GALNT13: variants seen among roughly 807,000 people sequenced by gnomAD.
GALNT13 encodes polypeptide N-acetylgalactosaminyltransferase 13, also known as UDP-GalNAc:polypeptide N-acetylgalactosaminyltransferase 13.
A neutral mutation model predicts 64.2 loss-of-function variants in GALNT13; 28 were observed. That is an observed-to-expected ratio of 0.44 (90% CI 0.32 to 0.60). The LOEUF (loss-of-function observed/expected upper bound fraction) is 0.60. GALNT13 is among the 20% of genes least tolerant of loss of function. The pLI is 0.05. For synonymous variants in GALNT13, 214 were observed against 224.6 expected, an observed-to-expected ratio of 0.95 and a Z score of 0.42; for missense variants, 577 against 669.8, an observed-to-expected ratio of 0.86 and a Z score of 1.53.
the GALNT13 span, among the ~76,000 whole-genome samples, chr2:153,634,542 C>CTTTT: frequency 9.2e-4 from 84 of 91,248 alleles, no homozygotes; most frequent in African/African-American, 1.2e-3. Flanking sequence ...AGATGGAAAT[C>CTTTT]TTTTTTTTTT....
chr2:153,784,561 CT>C, the GALNT13 span, among the ~76,000 whole-genome samples: 1 of 152,178 alleles, frequency 6.6e-6, no homozygotes, highest in Non-Finnish European at 1.5e-5. Context: ...CTTAATTTTC[CT>C]AAGTCTTATG....
intron 3 of GALNT13, among the ~76,000 whole-genome samples, chr2:154,024,383 CT>C (rs1697776670): frequency 6.6e-6 from 1 of 152,124 alleles, no homozygotes; most frequent in Admixed American, 6.5e-5. Flanking sequence ...TTCTTGGAGG[CT>C]TTGTTCATTT....
At chr2:153,753,193 A>T in the GALNT13 span, among the ~76,000 whole-genome samples, 1 of 152,206 alleles carries the variant, frequency 6.6e-6, no homozygotes, top group Admixed American at 6.6e-5. Context: ...AAGTATCTTG[A>T]ATTACCTATA....
chr2:154,364,258 G>T (rs895863999), intron 9 of GALNT13, among the ~76,000 whole-genome samples: 1 of 152,116 alleles, frequency 6.6e-6, no homozygotes, highest in Non-Finnish European at 1.5e-5. Context: ...TTAATTTTAA[G>T]TTAATCTCAC....
intron 9 of GALNT13, among the ~76,000 whole-genome samples, chr2:154,384,476 TATATA>T (rs1342191187): frequency 2.6e-5 from 4 of 151,886 alleles, no homozygotes; most frequent in Admixed American, 6.6e-5. Context: ...AGATCACCAT[TATATA>T]ATATATCTCT....
intron 3 of GALNT13, among the ~76,000 whole-genome samples, chr2:154,073,873 C>A (rs545813342): frequency 6.6e-6 from 1 of 151,732 alleles, no homozygotes. Flanking sequence ...ATAACAAAAA[C>A]AACATACTAT....
the GALNT13 span, among the ~76,000 whole-genome samples, chr2:153,850,183 AAAAAAAG>A: frequency 0.84 from 110,221 of 130,546 alleles, 47,494 homozygotes; most frequent in Non-Finnish European, 0.93. Flanking sequence ...CGTCTAAAAA[AAAAAAAG>A]AAAAAGAAAA....
At chr2:153,915,674 G>A (rs1250445191) in intron 2 of GALNT13, among the ~76,000 whole-genome samples, 1 of 140,426 alleles carries the variant, frequency 7.1e-6, no homozygotes, top group Non-Finnish European at 1.5e-5. Context: ...TAGATCATTA[G>A]GAATCTAGTC....
At chr2:153,197,943 T>C in the GALNT13 span, among the ~76,000 whole-genome samples, 1 of 152,204 alleles carries the variant, frequency 6.6e-6, no homozygotes, top group African/African-American at 2.4e-5. Flanking sequence ...GAGCATGCAC[T>C]TGGGCTCCCT....
At chr2:154,003,834 T>G (rs1696072748) in intron 3 of GALNT13, among the ~76,000 whole-genome samples, 1 of 152,178 alleles carries the variant, frequency 6.6e-6, no homozygotes, top group South Asian at 2.1e-4. Flanking sequence ...TTCCTCCTTC[T>G]GTGACCATGT....
intron 3 of GALNT13, among the ~76,000 whole-genome samples, chr2:154,046,458 G>T (rs1005075793): frequency 6.6e-6 from 1 of 152,166 alleles, no homozygotes; most frequent in Non-Finnish European, 1.5e-5. Context: ...TATTTATCAT[G>T]TAGCTATCTT....
At chr2:153,463,459 C>A in the GALNT13 span, among the ~76,000 whole-genome samples, 6 of 152,000 alleles carry the variant, frequency 3.9e-5, no homozygotes, top group Non-Finnish European at 8.8e-5. Flanking sequence ...ATATAGTTGA[C>A]TAAATAGATG....
At chr2:153,573,816 G>A in the GALNT13 span, among the ~76,000 whole-genome samples, 1 of 151,946 alleles carries the variant, frequency 6.6e-6, no homozygotes, top group South Asian at 2.1e-4. Context: ...AGTCATTGTA[G>A]TTATTATTTT....
chr2:154,144,393 G>A (rs1683445832), intron 4 of GALNT13, among the ~76,000 whole-genome samples: 1 of 152,098 alleles, frequency 6.6e-6, no homozygotes, highest in African/African-American at 2.4e-5. Context: ...TTACAGTTCA[G>A]TTTTTGGATA....
chr2:153,712,759 A>G, the GALNT13 span, among the ~76,000 whole-genome samples: 1 of 152,170 alleles, frequency 6.6e-6, no homozygotes, highest in Non-Finnish European at 1.5e-5. Flanking sequence ...AGCCATGGCC[A>G]TCTCATCTAC....
At chr2:153,735,452 AATATTCTTTTTAGCATGTTATGATG>A in the GALNT13 span, among the ~76,000 whole-genome samples, 19 of 152,240 alleles carry the variant, frequency 1.2e-4, no homozygotes, top group East Asian at 3.7e-3. Context: ...AAAAATTGTA[AATATTCTTTTTAGCATGTTATGATG>A]ATACTGCTAG....
At chr2:153,469,710 C>T in the GALNT13 span, among the ~76,000 whole-genome samples, 3 of 152,040 alleles carry the variant, frequency 2.0e-5, no homozygotes, top group African/African-American at 7.2e-5. Flanking sequence ...GAGAGAGGCT[C>T]CATCAAAATA....
At chr2:153,913,897 G>C (rs1230698572) in intron 2 of GALNT13, among the ~76,000 whole-genome samples, 1 of 152,100 alleles carries the variant, frequency 6.6e-6, no homozygotes, top group African/African-American at 2.4e-5. Context: ...CCTCCTAGCT[G>C]TGTCTAGTTG....
At chr2:153,445,855 C>T in the GALNT13 span, among the ~76,000 whole-genome samples, 1 of 152,068 alleles carries the variant, frequency 6.6e-6, no homozygotes, top group African/African-American at 2.4e-5. Context: ...TCAGGATGCC[C>T]ATTCTCATCA....
Sources: allele counts gnomAD v4.1 joint callset (sites outside exome capture counted in the v4.1 genomes callset), GRCh38; gene constraint gnomAD v4.1.1; transcripts MANE v1.5; gene names NCBI Gene and HGNC (gene_info 2026-07-23, HGNC 2026-07-21).